Variants in ERC2 observed in about 807,000 individuals in gnomAD.
ERC2 encodes the protein ELKS/RAB6-interacting/CAST family member 2.
A neutral mutation model predicts 114.8 loss-of-function variants in ERC2; 42 were observed. That is an observed-to-expected ratio of 0.37 (90% CI 0.29 to 0.47). ERC2 has a LOEUF of 0.47. Among genes scored for constraint, ERC2 ranks in the 20% least tolerant of loss-of-function variants. The probability of loss-of-function intolerance (pLI) is 0.99; values close to 1 mark genes in which losing one functional copy is unlikely to be tolerated. For missense variants in ERC2, 939 were observed against 1,150.7 expected (o/e 0.82, Z 2.66); for synonymous variants, 454 against 425.5 (o/e 1.07, Z -0.82).
intron 7 of ERC2, among the ~76,000 whole-genome samples, chr3:56,026,204 C>T (rs1449517825): frequency 6.6e-6 from 1 of 151,774 alleles, no homozygotes. Context: ...TGTGCACTAC[C>T]ACGCCCAGCT....
At chr3:56,370,371 G>A (rs549147608) in intron 2 of ERC2, among the ~76,000 whole-genome samples, 93 of 152,270 alleles carry the variant, frequency 6.1e-4, no homozygotes, top group Middle Eastern at 3.4e-3. Context: ...TTGGCTGGTC[G>A]TGGTGGCATG....
chr3:55,849,650 T>G (rs566275394), intron 14 of ERC2, among the ~76,000 whole-genome samples: 9 of 152,278 alleles, frequency 5.9e-5, no homozygotes, highest in South Asian at 2.1e-4. Context: ...CTCTTCAATT[T>G]TTACATTCTA....
intron 11 of ERC2, among the ~76,000 whole-genome samples, chr3:55,990,862 G>A (rs1002574767): frequency 6.6e-6 from 1 of 152,178 alleles, no homozygotes; most frequent in East Asian, 1.9e-4. Flanking sequence ...AAAGGCTAAG[G>A]ACAGATGATT....
At chr3:55,665,229 C>A (rs1365091425) in intron 17 of ERC2, among the ~76,000 whole-genome samples, 1 of 152,208 alleles carries the variant, frequency 6.6e-6, no homozygotes, top group African/African-American at 2.4e-5. Context: ...GCTCTTTCCA[C>A]TGTTCTCAGG....
intron 4 of ERC2, among the ~76,000 whole-genome samples, chr3:56,157,354 T>G (rs1234609255): frequency 6.6e-5 from 10 of 152,142 alleles, no homozygotes; most frequent in Admixed American, 1.3e-4. Flanking sequence ...AGCAACTGCT[T>G]CCAGATGAGT....
intron 14 of ERC2, among the ~76,000 whole-genome samples, chr3:55,817,604 G>A (rs2059954246): frequency 6.6e-6 from 1 of 152,206 alleles, no homozygotes; most frequent in African/African-American, 2.4e-5. Context: ...CCTCGGTTGA[G>A]GCACTAATGT....
chr3:56,412,774 C>T (rs1379275233), intron 2 of ERC2, among the ~76,000 whole-genome samples: 1 of 152,206 alleles, frequency 6.6e-6, no homozygotes, highest in Non-Finnish European at 1.5e-5. Flanking sequence ...TAAGTCAATA[C>T]ATGTGCCTGG....
intron 3 of ERC2, among the ~76,000 whole-genome samples, chr3:56,188,158 C>G (rs189411883): frequency 6.6e-6 from 1 of 152,314 alleles, no homozygotes; most frequent in African/African-American, 2.4e-5. Context: ...CTGAACACAA[C>G]TTGAGGGCCA....
At chr3:56,358,940 G>C (rs2058844689) in intron 2 of ERC2, among the ~76,000 whole-genome samples, 1 of 152,206 alleles carries the variant, frequency 6.6e-6, no homozygotes, top group South Asian at 2.1e-4. Context: ...TGCAATTCTG[G>C]AAGAAGAGCT....
At chr3:55,776,573 G>A (rs925008530) in intron 14 of ERC2, among the ~76,000 whole-genome samples, 1 of 152,154 alleles carries the variant, frequency 6.6e-6, no homozygotes, top group Non-Finnish European at 1.5e-5. Flanking sequence ...AAAGAAATAG[G>A]CGTGAGTTAC....
intron 12 of ERC2, among the ~76,000 whole-genome samples, chr3:55,975,031 A>G (rs2069474687): frequency 6.6e-6 from 1 of 152,194 alleles, no homozygotes; most frequent in South Asian, 2.1e-4. Flanking sequence ...CACAGTGTTT[A>G]TGATTCTGGC....
intron 15 of ERC2, among the ~76,000 whole-genome samples, chr3:55,717,335 G>A (rs2064182464): frequency 6.6e-6 from 1 of 152,138 alleles, no homozygotes; most frequent in Non-Finnish European, 1.5e-5. Flanking sequence ...AGCCTCTTGG[G>A]AGTTCCAAGC....
In ERC2 at chr3:56,128,976, T is replaced by C. The variant is rs917889271; in HGVS notation, c.1473+10533A>G. On this transcript the variant is annotated intron_variant, in intron 6 of 17. Coordinates refer to ENST00000288221, the MANE Select transcript of ERC2 (RefSeq NM_015576.3). ...AGTCATAAGGATTTAAGAAATCATCTACGTTTGAAAATTTTAAAAAATGCA... is the reference window on the plus strand; with the variant it reads ...AGTCATAAGGATTTAAGAAATCATCCACGTTTGAAAATTTTAAAAAATGCA... 2.0e-5 allele frequency among the ~76,000 whole-genome samples: 3 copies of C among 152,230 alleles called. No individual in the cohort carries two copies. The South Asian group carries it at 6.2e-4, about 32-fold the overall frequency.
intron 3 of ERC2, among the ~76,000 whole-genome samples, chr3:56,252,333 T>TGA (rs1371213393): frequency 6.6e-6 from 1 of 152,200 alleles, no homozygotes; most frequent in African/African-American, 2.4e-5. Flanking sequence ...TAAGAGTGTG[T>TGA]GAGAGTTATT....
chr3:55,562,374 A>G (rs1430946957), intron 17 of ERC2, among the ~76,000 whole-genome samples: 1 of 151,398 alleles, frequency 6.6e-6, no homozygotes, highest in Admixed American at 6.6e-5. Flanking sequence ...GCTGGTCTCA[A>G]ACCCCTGATC....
At chr3:56,111,223 G>A (rs1202885360) in intron 6 of ERC2, among the ~76,000 whole-genome samples, 1 of 148,504 alleles carries the variant, frequency 6.7e-6, no homozygotes, top group East Asian at 2.0e-4. Flanking sequence ...AGACCAATTC[G>A]TAGTTTAGAC....
chr3:56,250,160 A>T (rs777608694), intron 3 of ERC2, among the ~76,000 whole-genome samples: 1 of 152,180 alleles, frequency 6.6e-6, no homozygotes, highest in South Asian at 2.1e-4. Flanking sequence ...CCGGCCATCA[A>T]ATTTCTTAAA....
chr3:56,464,288 C>T (rs2063442650), intron 1 of ERC2, among the ~76,000 whole-genome samples: 3 of 152,220 alleles, frequency 2.0e-5, no homozygotes, highest in African/African-American at 2.4e-5. Context: ...GTGACATTTG[C>T]TCGTGTAGTT....
chr3:55,710,652 G>A (rs887774255), intron 15 of ERC2, among the ~76,000 whole-genome samples: 1 of 152,186 alleles, frequency 6.6e-6, no homozygotes, highest in East Asian at 1.9e-4. Context: ...ATTTAAACTT[G>A]AATCTGAACA....
Sources: allele counts gnomAD v4.1 joint callset (sites outside exome capture counted in the v4.1 genomes callset), GRCh38; gene constraint gnomAD v4.1.1; transcripts MANE v1.5; gene names NCBI Gene and HGNC (gene_info 2026-07-23, HGNC 2026-07-21).